The following NWD1 variants were observed in gnomAD, a reference collection of about 807,000 sequenced individuals.
NWD1 encodes the protein NACHT and WD repeat domain containing 1.
In NWD1, 129 loss-of-function variants were observed where a neutral mutation model predicts 135.1. The observed-to-expected ratio is 0.96, with a 90% CI of 0.83 to 1.11. NWD1 has a LOEUF of 1.11. Ranked by LOEUF, NWD1 falls within the 50% of genes least tolerant of loss-of-function variation. NWD1 has a pLI of 0.00. For missense variants in NWD1, 1,740 were observed against 1,851.3 expected (o/e 0.94, Z 1.10); for synonymous variants, 773 against 786.0 (o/e 0.98, Z 0.28).
At chr19:16,791,217 A>C (rs1169206384) in intron 13 of NWD1, 133 bp from the exon 14 acceptor site, 1 of 794,272 alleles carries the variant, frequency 1.3e-6, no homozygotes, top group African/African-American at 1.7e-5. Flanking sequence ...CTGGGTGAAA[A>C]AGAGAGGCTC....
At chr19:16,738,346 A>C (rs1016377541) in intron 4 of NWD1, 4 of 336,012 alleles carry the variant, frequency 1.2e-5, no homozygotes, top group Non-Finnish European at 2.5e-5. Context: ...AGGCAGGTGG[A>C]CAATTTGAGG....
intron 2 of NWD1, among the ~76,000 whole-genome samples, chr19:16,730,279 G>A (rs774575662): frequency 9.2e-5 from 14 of 151,950 alleles, no homozygotes; most frequent in South Asian, 6.2e-4. Context: ...CTGAGATCAC[G>A]CCACTGCACT....
At chr19:16,754,413 C>T (rs964765130) in intron 6 of NWD1, among the ~76,000 whole-genome samples, 5 of 150,808 alleles carry the variant, frequency 3.3e-5, no homozygotes, top group Non-Finnish European at 4.4e-5. Flanking sequence ...TCTATCCATC[C>T]GTCTATCCGC....
chr19:16,812,825 T>C, intron 18 of NWD1: 1 of 781,104 alleles, frequency 1.3e-6, no homozygotes, highest in South Asian at 1.3e-5. Context: ...AGGATCGCTC[T>C]ATACTTGTTT....
intron 17 of NWD1, among the ~76,000 whole-genome samples, chr19:16,803,637 C>T (rs193007136): frequency 3.3e-5 from 5 of 151,912 alleles, no homozygotes; most frequent in Admixed American, 1.3e-4. Context: ...CTAGTCATGG[C>T]CAGGTGTGGT....
chr19:16,728,325 C>T (rs907256231), intron 2 of NWD1, among the ~76,000 whole-genome samples: 1 of 146,404 alleles, frequency 6.8e-6, no homozygotes, highest in Non-Finnish European at 1.5e-5. Context: ...CACTCTGTCG[C>T]CCAGGCTGGA....
At chr19:16,784,704 G>T (rs563263471) in intron 12 of NWD1, among the ~76,000 whole-genome samples, 21 of 152,188 alleles carry the variant, frequency 1.4e-4, no homozygotes, top group Admixed American at 9.2e-4. Flanking sequence ...GCCAAGGTGG[G>T]CAGATCACGA....
intron 14 of NWD1, 86 bp downstream of exon 14, chr19:16,791,708 C>A: frequency 1.5e-6 from 2 of 1,337,904 alleles, no homozygotes; most frequent in Admixed American, 1.9e-5. Context: ...AATAATCTTG[C>A]CTTGTATCTT....
intron 3 of NWD1, among the ~76,000 whole-genome samples, chr19:16,734,895 A>AT (rs1189846011): frequency 6.6e-6 from 1 of 151,632 alleles, no homozygotes; most frequent in Non-Finnish European, 1.5e-5. Context: ...CTCTGTTCTA[A>AT]TTTTTTTATT....
intron 18 of NWD1, chr19:16,812,669 C>G (rs1970957939): frequency 2.6e-6 from 2 of 769,522 alleles, no homozygotes; most frequent in Admixed American, 1.7e-5. Flanking sequence ...AACTCCATCT[C>G]AAAAACAAAC....
chr19:16,761,097 T>C (rs530706562), intron 7 of NWD1, among the ~76,000 whole-genome samples: 205 of 152,316 alleles, frequency 1.3e-3, no homozygotes, highest in African/African-American at 4.7e-3. Context: ...GCATTTCAGA[T>C]CAACGAAATC....
At chr19:16,759,003 C>CAAA (rs58283462) in intron 6 of NWD1, among the ~76,000 whole-genome samples, 27 of 74,938 alleles carry the variant, frequency 3.6e-4, no homozygotes, top group East Asian at 1.6e-3. Flanking sequence ...AACTCTGTCT[C>CAAA]AAAAAAAAAA....
intron 3 of NWD1, among the ~76,000 whole-genome samples, chr19:16,735,820 AGG>A (rs1399502842): frequency 4.5e-3 from 242 of 54,162 alleles, no homozygotes; most frequent in South Asian, 5.9e-3. Flanking sequence ...GAAGGAAGGA[AGG>A]AAGGAAAGAA....
intron 3 of NWD1, among the ~76,000 whole-genome samples, chr19:16,734,023 C>T (rs892340634): frequency 6.6e-6 from 1 of 152,096 alleles, no homozygotes; most frequent in Non-Finnish European, 1.5e-5. Context: ...CCCTGTCACC[C>T]CAGCCTTCCA....
At chr19:16,780,567 G>A (rs1376401876) in intron 12 of NWD1, among the ~76,000 whole-genome samples, 1 of 152,202 alleles carries the variant, frequency 6.6e-6, no homozygotes, top group African/African-American at 2.4e-5. Context: ...ATTCACAAGA[G>A]CAGTCCAGTA....
intron 17 of NWD1, among the ~76,000 whole-genome samples, chr19:16,803,753 C>CT (rs1461072026): frequency 1.6e-4 from 22 of 138,770 alleles, no homozygotes; most frequent in African/African-American, 5.8e-4. Flanking sequence ...CCCAACTCTA[C>CT]TTAAAAAAAA....
intron 7 of NWD1, among the ~76,000 whole-genome samples, chr19:16,759,878 C>G (rs1199403060): frequency 6.6e-6 from 1 of 152,070 alleles, no homozygotes; most frequent in Non-Finnish European, 1.5e-5. Context: ...CCTGTAATCC[C>G]AGCTGCTCGG....
At chr19:16,798,158 T>G (rs1599550888) in intron 16 of NWD1, among the ~76,000 whole-genome samples, 1 of 152,150 alleles carries the variant, frequency 6.6e-6, no homozygotes, top group East Asian at 1.9e-4. Context: ...AGCAGGGTTG[T>G]GGGGGAGGAA....
At chr19:16,731,156 C>G (rs1252417170) in intron 2 of NWD1, 36 bp from the exon 3 acceptor site, 1 of 1,117,020 alleles carries the variant, frequency 9.0e-7, no homozygotes, top group Non-Finnish European at 1.3e-6. Flanking sequence ...AGTTCTGAGT[C>G]CTTTCCACTA....
Sources: allele counts gnomAD v4.1 joint callset (sites outside exome capture counted in the v4.1 genomes callset), GRCh38; gene constraint gnomAD v4.1.1; transcripts MANE v1.5; gene names NCBI Gene and HGNC (gene_info 2026-07-23, HGNC 2026-07-21).